Variants in TMEM63C observed in about 807,000 individuals in gnomAD.
The protein encoded by TMEM63C is osmosensitive cation channel TMEM63C.
TMEM63C carries 32 observed loss-of-function variants against 99.2 expected under a neutral mutation model. That is an observed-to-expected ratio of 0.32 (90% CI 0.24 to 0.43). The LOEUF (loss-of-function observed/expected upper bound fraction) is 0.43. Among genes scored for constraint, TMEM63C ranks in the 20% least tolerant of loss-of-function variants. TMEM63C has a pLI of 1.00. For missense variants in TMEM63C, 826 were observed against 1,053.0 expected (o/e 0.78, Z 2.98); for synonymous variants, 376 against 397.9 (o/e 0.94, Z 0.66).
chr14:77,189,212 C>G (rs535339609), intron 1 of TMEM63C, among the ~76,000 whole-genome samples: 1 of 151,278 alleles, frequency 6.6e-6, no homozygotes, highest in Admixed American at 6.6e-5. Context: ...CAGGCTCAAG[C>G]GATCATTCCA....
At chr14:77,207,413 T>C (rs1393333861) in intron 1 of TMEM63C, among the ~76,000 whole-genome samples, 1 of 152,204 alleles carries the variant, frequency 6.6e-6, no homozygotes, top group Non-Finnish European at 1.5e-5. Flanking sequence ...CTGGTCCTTC[T>C]CTTTAGCTGA....
chr14:77,249,563 A>G, intron 21 of TMEM63C, 105 bp downstream of exon 21: 2 of 1,325,422 alleles, frequency 1.5e-6, no homozygotes, highest in African/African-American at 2.9e-5. Flanking sequence ...GCAGGGCAAG[A>G]CGCTGCTCAC....
At chr14:77,222,433 T>A (rs955127295) in intron 5 of TMEM63C, among the ~76,000 whole-genome samples, 5 of 152,216 alleles carry the variant, frequency 3.3e-5, no homozygotes, top group African/African-American at 1.2e-4. Context: ...CTGATCCCTT[T>A]AGGTCCACGC....
At chr14:77,253,451 G>T (rs371040273) in intron 23 of TMEM63C, 75 bp downstream of exon 23, 4 of 1,415,492 alleles carry the variant, frequency 2.8e-6, no homozygotes, top group Non-Finnish European at 3.9e-6. Context: ...GCATTGTGGG[G>T]GATGCCAGCT....
At chr14:77,204,321 C>G (rs1474106238) in intron 1 of TMEM63C, among the ~76,000 whole-genome samples, 1 of 152,148 alleles carries the variant, frequency 6.6e-6, no homozygotes, top group Non-Finnish European at 1.5e-5. Flanking sequence ...GAGCAAAGCC[C>G]TAGGGGGAGA....
chr14:77,203,690 G>T (rs1888342912), intron 1 of TMEM63C, among the ~76,000 whole-genome samples: 1 of 152,248 alleles, frequency 6.6e-6, no homozygotes, highest in South Asian at 2.1e-4. Flanking sequence ...CCTAGCTCGG[G>T]GCTGGCCCAG....
intron 1 of TMEM63C, among the ~76,000 whole-genome samples, chr14:77,194,880 C>T (rs1320038585): frequency 6.6e-6 from 1 of 151,924 alleles, no homozygotes; most frequent in Non-Finnish European, 1.5e-5. Flanking sequence ...CCATGCCTAG[C>T]GTGGATTTCG....
At chr14:77,223,442 G>A (rs1339705131) in intron 5 of TMEM63C, among the ~76,000 whole-genome samples, 1 of 152,154 alleles carries the variant, frequency 6.6e-6, no homozygotes, top group Non-Finnish European at 1.5e-5. Flanking sequence ...AGCAAGTTGG[G>A]TCAGGTACTG....
intron 6 of TMEM63C, among the ~76,000 whole-genome samples, chr14:77,225,705 A>G (rs918576556): frequency 6.6e-6 from 1 of 152,148 alleles, no homozygotes; most frequent in African/African-American, 2.4e-5. Context: ...ACCACTTTTA[A>G]TAGCTGAATC....
chr14:77,231,495 G>T, intron 6 of TMEM63C, 93 bp from the exon 7 acceptor site: 2 of 1,403,856 alleles, frequency 1.4e-6, no homozygotes, highest in African/African-American at 1.4e-5. Context: ...TGGGGAGGGG[G>T]TGATCATTTT....
At position 77,214,369 on chromosome 14, in the gene TMEM63C, G is replaced by A. The variant is rs562383754; in HGVS notation, c.-14+861G>A. 3.9e-5 allele frequency among the ~76,000 whole-genome samples: 6 copies of A among 152,098 alleles called. No individual in the cohort carries two copies. In the South Asian group the frequency reaches 8.3e-4, roughly 21 times the overall value. On this transcript the variant is annotated intron_variant, in intron 2 of 23. Coordinates refer to ENST00000298351, the MANE Select transcript of TMEM63C (RefSeq NM_020431.4). ...CGTTGGAGCTGAGATTCAGTGGCAC[G>A]GAACCTGTAATCCCCAGAAGCATCC...
chr14:77,233,396 G>T (rs1888979768), intron 7 of TMEM63C, 56 bp from the exon 8 acceptor site: 3 of 1,580,518 alleles, frequency 1.9e-6, no homozygotes, highest in Non-Finnish European at 2.6e-6. Flanking sequence ...TTGAATTCTG[G>T]CGCCCCCAGC....
Position 77,251,809 on chromosome 14 carries a change from A to G in TMEM63C, c.2059A>G (p.Ile687Val), listed in dbSNP as rs1213924137. The G allele has an allele frequency of 1.2e-6, 2 of 1,613,906 alleles. No individual in the cohort carries two copies. Among genetic ancestry groups the G allele is most frequent in the Non-Finnish European group, 1.7e-6 (2 of 1,179,868 alleles). ...GGCAGGTTCTCTCCACGCCATCACC[A>G]TCTTTTCCCTGTCCACCCTCCTCAT... The part of the protein sequence containing the change: ...LRLGSLHAIT[I>V]FSLSTLLIAM... The change falls in exon 22 of 24, where the codon ATC becomes GTC. Residue 687 changes from isoleucine to valine, a missense_variant. Coordinates refer to ENST00000298351, the MANE Select transcript of TMEM63C (RefSeq NM_020431.4).
chr14:77,255,841 G>C (rs190505116), intron 23 of TMEM63C, among the ~76,000 whole-genome samples: 3 of 152,298 alleles, frequency 2.0e-5, no homozygotes, highest in Non-Finnish European at 4.4e-5. Context: ...AGATTCTTTT[G>C]TAGGAAAACC....
At chr14:77,254,790 T>C (rs763972533) in intron 23 of TMEM63C, among the ~76,000 whole-genome samples, 1 of 152,216 alleles carries the variant, frequency 6.6e-6, no homozygotes, top group Non-Finnish European at 1.5e-5. Context: ...CAGGGCTATA[T>C]GAACATCGCA....
chr14:77,238,774 G>A lies in TMEM63C; in HGVS notation c.725+7G>A. The A allele has an allele frequency of 1.9e-6, 3 of 1,613,084 alleles. No individual in the cohort carries two copies. The highest frequency in any genetic ancestry group is 2.5e-6 in the Non-Finnish European group (3 of 1,179,084). ...TCATCATTAAGCATTTTCAGTAAGT[G>A]GGTTGGGGTAGGCCAAGGCGTGGAT... On this transcript the variant is annotated splice_region_variant and intron_variant, in intron 10 of 23. Transcript: ENST00000298351.
intron 1 of TMEM63C, among the ~76,000 whole-genome samples, chr14:77,197,967 T>C (rs1888239265): frequency 6.6e-6 from 1 of 152,248 alleles, no homozygotes; most frequent in African/African-American, 2.4e-5. Flanking sequence ...GGAGCGGACC[T>C]GGATCTGGGG....
At chr14:77,201,024 T>C (rs1888292540) in intron 1 of TMEM63C, 2 of 147,788 alleles carry the variant, frequency 1.4e-5, no homozygotes, top group South Asian at 4.3e-4. Context: ...AAAGTGTTCA[T>C]AAAATGTTCC....
chr14:77,256,145 G>T (rs2140135807), intron 23 of TMEM63C, among the ~76,000 whole-genome samples: 1 of 152,336 alleles, frequency 6.6e-6, no homozygotes. Flanking sequence ...TGAATGTGCT[G>T]CTGAAGCTGT....
Sources: gnomAD v4.1 joint callset for allele counts (sites outside exome capture counted in the v4.1 genomes callset) on GRCh38, gnomAD v4.1.1 for gene constraint, MANE v1.5 for transcripts, NCBI Gene and HGNC (gene_info 2026-07-23, HGNC 2026-07-21) for gene names.